The following TIMP3 variants were observed in gnomAD, a reference collection of about 807,000 sequenced individuals.
TIMP3 encodes TIMP metallopeptidase inhibitor 3, also known as metalloproteinase inhibitor 3.
TIMP3 carries 11 observed loss-of-function variants against 30.0 expected under a neutral mutation model. The observed-to-expected ratio is 0.37, with a 90% CI of 0.23 to 0.61. The LOEUF (loss-of-function observed/expected upper bound fraction) is 0.61. Ranked by LOEUF, TIMP3 falls within the 20% of genes least tolerant of loss-of-function variation. TIMP3 has a pLI of 0.70. For synonymous variants in TIMP3, 112 were observed against 111.3 expected (o/e 1.01, Z -0.04); for missense variants, 181 against 276.8 (o/e 0.65, Z 2.45).
intron 1 of TIMP3, among the ~76,000 whole-genome samples, chr22:32,831,565 A>G (rs976632307): frequency 7.2e-5 from 11 of 152,180 alleles, no homozygotes; most frequent in Admixed American, 3.3e-4. Context: ...AAGCATTTTT[A>G]TTACCAAGGA....
In TIMP3 at chr22:32,859,174, T is replaced by TGC. The variant is rs1432039933; in HGVS notation, c.439-6_439-5insGC. ...CCATCAACTGCTGCCTGTTATCTAA[T>TGC]TGCAGATCAAGTCCTGCTACTACCT... On this transcript the variant is annotated splice_polypyrimidine_tract_variant and splice_region_variant and intron_variant, in intron 4 of 4. Transcript: ENST00000266085. The TGC allele has an allele frequency of 6.2e-7, 1 of 1,614,180 alleles. No homozygotes were observed. The highest frequency in any genetic ancestry group is 8.5e-7 in the Non-Finnish European group (1 of 1,180,010).
rs907561509 is a variant in TIMP3, at chr22:32,861,048, G to A, written c.*1671G>A. The stretch of plus-strand genomic sequence containing the variant: ...TATTTTACAGAGTGGGGGTTGGCAG[G>A]ATGGTGACATTGAACATGATTGCTC... On this transcript the variant is annotated 3_prime_UTR_variant, in exon 5 of 5. Transcript: ENST00000266085. 1 of 152,322 alleles carries A rather than the reference G, an allele frequency of 6.6e-6. No individual in the cohort carries two copies. Among genetic ancestry groups the A allele is most frequent in the Non-Finnish European group, 1.5e-5 (1 of 67,968 alleles). 9.4% of individuals were successfully genotyped at this position (152,322 alleles called of 1,614,324 possible).
At chr22:32,851,019 G>C (rs1337167599) in intron 2 of TIMP3, among the ~76,000 whole-genome samples, 1 of 152,168 alleles carries the variant, frequency 6.6e-6, no homozygotes, top group East Asian at 1.9e-4. Flanking sequence ...GTAATGTCCA[G>C]AGTCAGCCCT....
intron 2 of TIMP3, among the ~76,000 whole-genome samples, chr22:32,850,116 A>G (rs1346447315): frequency 1.3e-5 from 2 of 150,192 alleles, no homozygotes; most frequent in African/African-American, 4.9e-5. Flanking sequence ...ATAGTTAGCA[A>G]TGTTTGCTAA....
At chr22:32,854,425 C>A (rs1466281775) in intron 2 of TIMP3, among the ~76,000 whole-genome samples, 1 of 152,150 alleles carries the variant, frequency 6.6e-6, no homozygotes, top group South Asian at 2.1e-4. Flanking sequence ...CCACGAAGCA[C>A]TAGGGCAGTC....
intron 1 of TIMP3, among the ~76,000 whole-genome samples, chr22:32,803,463 G>A (rs921077502): frequency 2.6e-5 from 4 of 152,144 alleles, no homozygotes; most frequent in Non-Finnish European, 5.9e-5. Flanking sequence ...GCAGCTGAGG[G>A]TGTTTGTGTG....
Position 32,857,313 on chromosome 22 carries a change from T to G in TIMP3, c.269T>G (p.Leu90Arg). 1 of 1,614,162 alleles carries G rather than the reference T, an allele frequency of 6.2e-7. No homozygotes were observed. The highest frequency in any genetic ancestry group is 2.2e-5 in the East Asian group (1 of 44,882). The change falls in exon 3 of 5, where the codon CTC becomes CGC. Residue 90 changes from leucine to arginine, a missense_variant. This residue lies in a region of TIMP3 where 63 missense variants were observed against 133.3 expected (regional missense o/e 0.47). Transcript: ENST00000266085. ...QYIHTEASES[L>R]CGLKLEVNKY... Reference sequence around the variant, plus strand: ...ATCCATACGGAAGCTTCCGAGAGTCTCTGTGGCCTTAAGCTGGAGGTCAAC... The same window carrying G: ...ATCCATACGGAAGCTTCCGAGAGTCGCTGTGGCCTTAAGCTGGAGGTCAAC...
chr22:32,812,817 C>T (rs1386785608), intron 1 of TIMP3, among the ~76,000 whole-genome samples: 1 of 152,194 alleles, frequency 6.6e-6, no homozygotes, highest in Non-Finnish European at 1.5e-5. Context: ...TATCTGCTCC[C>T]CTGACAGGGA....
At chr22:32,838,180 T>C (rs988439946) in intron 1 of TIMP3, among the ~76,000 whole-genome samples, 1 of 152,192 alleles carries the variant, frequency 6.6e-6, no homozygotes, top group Non-Finnish European at 1.5e-5. Flanking sequence ...GGATCTGAGA[T>C]GCATAGTTCC....
chr22:32,828,271 G>T (rs143813982), intron 1 of TIMP3, among the ~76,000 whole-genome samples: 16 of 152,306 alleles, frequency 1.1e-4, no homozygotes, highest in African/African-American at 3.8e-4. Flanking sequence ...GCCTTCAAGT[G>T]GGGGAAACTC....
chr22:32,814,129 TGTGTGTGTGTGTGAGAGA>T, intron 1 of TIMP3, among the ~76,000 whole-genome samples: 1 of 137,522 alleles, frequency 7.3e-6, no homozygotes, highest in South Asian at 2.4e-4. Context: ...TGTGTGTGTG[TGTGTGTGTGTGTGAGAGA>T]GAGAGAGAGA....
intron 1 of TIMP3, among the ~76,000 whole-genome samples, chr22:32,813,803 G>A (rs1195436455): frequency 1.3e-5 from 2 of 151,752 alleles, no homozygotes; most frequent in Non-Finnish European, 2.9e-5. Flanking sequence ...TTAATTCCCT[G>A]GTCTCATTTT....
intron 2 of TIMP3, among the ~76,000 whole-genome samples, chr22:32,850,376 G>A (rs1217650194): frequency 6.6e-6 from 1 of 152,022 alleles, no homozygotes; most frequent in Non-Finnish European, 1.5e-5. Flanking sequence ...GGCATTCTAA[G>A]CACCCTGGGA....
At chr22:32,852,944 T>C (rs2048264166) in intron 2 of TIMP3, among the ~76,000 whole-genome samples, 1 of 152,192 alleles carries the variant, frequency 6.6e-6, no homozygotes, top group Admixed American at 6.5e-5. Context: ...AGACATGCTC[T>C]CCAGCTGGCT....
At position 32,859,711 on chromosome 22, in the gene TIMP3, T is replaced by C. The variant is rs2048482784; in HGVS notation, c.*334T>C. On this transcript the variant is annotated 3_prime_UTR_variant, in exon 5 of 5. Transcript: ENST00000266085. ...AAAACAAAAATGAAAAACTACTCCA[T>C]TTGAGGATTGTAATTCCCACCCCTC... 6.4e-6 allele frequency: 2 copies of C among 311,240 alleles called. No individual in the cohort carries two copies. The highest frequency in any genetic ancestry group is 1.2e-5 in the Non-Finnish European group (2 of 166,696). The allele number at this position is 311,240 out of a possible 1,614,324, so 19.3% of individuals were successfully genotyped here. A position where few individuals can be genotyped will look rare whatever the true frequency, so the allele number is the denominator to read the frequency against.
rs2047758929 is a variant in TIMP3 at position 32,837,264 on chromosome 22, G to A, written c.122-12188G>A. On this transcript the variant is annotated intron_variant, in intron 1 of 4. Coordinates refer to ENST00000266085, the MANE Select transcript of TIMP3 (RefSeq NM_000362.5). This position sits in a 1 kb window ranked among gnomAD's most constrained non-coding sequence, Gnocchi z 4.1. ...CATGCTGCTATTCTGGTGGCCACTT[G>A]TGTGGGATAAAGTTTCCCATGGGCC... Among the ~76,000 whole-genome samples the A allele has an allele frequency of 6.6e-6, 1 of 152,204 alleles. No individual in the cohort carries two copies. The highest frequency in any genetic ancestry group is 1.5e-5 in the Non-Finnish European group (1 of 68,040).
chr22:32,852,915 G>A (rs2283885), intron 2 of TIMP3, among the ~76,000 whole-genome samples: 28,776 of 152,122 alleles, frequency 0.19, 3,006 homozygotes, highest in East Asian at 0.4. Context: ...TGTGCCAGGA[G>A]TTATTGTTTA....
intron 1 of TIMP3, among the ~76,000 whole-genome samples, chr22:32,822,497 C>T (rs1294107883): frequency 2.6e-5 from 4 of 152,178 alleles, no homozygotes; most frequent in African/African-American, 7.2e-5. Flanking sequence ...TCCTGTGCAT[C>T]GAAAGCCTCA....
chr22:32,814,565 T>C (rs2047038081), intron 1 of TIMP3, among the ~76,000 whole-genome samples: 1 of 152,214 alleles, frequency 6.6e-6, no homozygotes, highest in South Asian at 2.1e-4. Flanking sequence ...CTGATAAATA[T>C]GGTAACATCA....
Sources: allele counts gnomAD v4.1 joint callset (sites outside exome capture counted in the v4.1 genomes callset), GRCh38; gene constraint gnomAD v4.1.1; regional missense constraint gnomAD v4.1.1; non-coding constraint Gnocchi (gnomAD v3.1); transcripts MANE v1.5; gene names NCBI Gene and HGNC (gene_info 2026-07-23, HGNC 2026-07-21).